Variants in PCDHA1 observed in about 807,000 individuals in gnomAD.
PCDHA1 encodes protocadherin alpha-1.
A neutral mutation model predicts 61.3 loss-of-function variants in PCDHA1; 42 were observed. That is an observed-to-expected ratio of 0.69 (90% CI 0.54 to 0.89). The LOEUF (loss-of-function observed/expected upper bound fraction) is 0.89. PCDHA1 is among the 40% of genes least tolerant of loss of function. The pLI, the probability that PCDHA1 is intolerant of heterozygous loss-of-function variation, is 0.00. For synonymous variants in PCDHA1, 610 were observed against 553.8 expected (o/e 1.10, Z -1.43); for missense variants, 1,256 against 1,235.3 (o/e 1.02, Z -0.25).
At chr5:140,823,308 G>C in intron 1 of PCDHA1, 1 of 1,612,318 alleles carries the variant, frequency 6.2e-7, no homozygotes, top group Non-Finnish European at 8.5e-7. Context: ...CGGTGCACGC[G>C]GAGAGCGGCA....
At position 140,982,527 on chromosome 5, in the gene PCDHA1, G is replaced by A. The variant is rs2096986081; in HGVS notation, c.2506G>A (p.Asp836Asn). ...TCTACGGGCTGGTCCAGGAGGGCCT[G>A]ATCAGCAGTGGCCAACAGTATCCAG... is the stretch of plus-strand genomic sequence containing the variant. ...GILRAGPGGP[D>N]QQWPTVSSAT... is the part of the protein sequence containing the mutation. Residue 836 changes from aspartate to asparagine, a missense_variant, in exon 3 of 4, where the codon GAT becomes AAT. By Grantham distance (23) the Asp-to-Asn change is conservative. Coordinates refer to ENST00000504120, the MANE Select transcript of PCDHA1 (RefSeq NM_018900.4). 1 of 1,614,218 alleles carries A rather than the reference G, an allele frequency of 6.2e-7. No individual in the cohort carries two copies. Among genetic ancestry groups the A allele is most frequent in the Admixed American group, 1.7e-5 (1 of 60,034 alleles).
intron 1 of PCDHA1, chr5:140,856,826 G>A (rs370105926): frequency 3.8e-6 from 6 of 1,592,454 alleles, no homozygotes; most frequent in Non-Finnish European, 4.3e-6. Flanking sequence ...CCAAACATTA[G>A]TAATACGGCT....
chr5:140,971,702 T>G (rs1411821487), intron 1 of PCDHA1, among the ~76,000 whole-genome samples: 6 of 152,138 alleles, frequency 3.9e-5, no homozygotes, highest in African/African-American at 1.4e-4. Flanking sequence ...CTAACCACCC[T>G]GCTATATAGA....
intron 3 of PCDHA1, among the ~76,000 whole-genome samples, chr5:140,986,569 T>C (rs1006962446): frequency 7.2e-5 from 11 of 152,296 alleles, no homozygotes; most frequent in East Asian, 3.9e-4. Context: ...TTATCTGTTA[T>C]TGGTTTTTCC....
intron 1 of PCDHA1, among the ~76,000 whole-genome samples, chr5:140,875,100 G>C (rs558585314): frequency 6.6e-6 from 1 of 152,124 alleles, no homozygotes; most frequent in Non-Finnish European, 1.5e-5. Context: ...TTGATGTTTT[G>C]TTACTAATAT....
chr5:140,786,676 A>G lies in PCDHA1; in HGVS notation c.386A>G (p.Asn129Ser). The G allele has an allele frequency of 6.2e-7, 1 of 1,614,218 alleles. No individual in the cohort carries two copies. Among genetic ancestry groups the G allele is most frequent in the Non-Finnish European group, 8.5e-7 (1 of 1,180,032 alleles). The change falls in exon 1 of 4, where the codon AAT becomes AGT. Residue 129 changes from asparagine (N) to serine (S), a missense_variant. By Grantham distance (46) the Asn-to-Ser change is conservative. Coordinates refer to ENST00000504120, the MANE Select transcript of PCDHA1 (RefSeq NM_018900.4). ...GTGAAGGTGAAAGACATTAACGATA[A>G]TCCACCCGTCTTCAGGGGCAGAGAA... ...VEVKVKDIND[N>S]PPVFRGREQI...
At chr5:140,853,462 C>T (rs1386923717) in intron 1 of PCDHA1, 1 of 971,854 alleles carries the variant, frequency 1.0e-6, no homozygotes, top group African/African-American at 1.8e-5. Context: ...TCCTTATATG[C>T]ATCTGTAGTT....
At chr5:140,828,738 A>C in intron 1 of PCDHA1, 1 of 1,614,242 alleles carries the variant, frequency 6.2e-7, no homozygotes, top group Non-Finnish European at 8.5e-7. Flanking sequence ...ACAGCCACAG[A>C]TGGGGGCAAA....
rs2150153849 is a variant in PCDHA1 at position 140,828,310 on chromosome 5, C to T, written c.2394+39626C>T. Reference sequence around the variant, plus strand: ...GGATGGCCTCCAAAGACCGCGAGGACCTTCTGGAGGTAAATCTGCAGAATG... The same window carrying T: ...GGATGGCCTCCAAAGACCGCGAGGATCTTCTGGAGGTAAATCTGCAGAATG... On this transcript the variant is annotated intron_variant, in intron 1 of 3. Coordinates refer to ENST00000504120, the MANE Select transcript of PCDHA1 (RefSeq NM_018900.4). 5.1e-5 allele frequency: 82 copies of T among 1,614,174 alleles called. 1 individual carries two copies. The South Asian group carries it at 8.1e-4, about 16-fold the overall frequency.
At chr5:140,937,067 T>C (rs2091302961) in intron 1 of PCDHA1, among the ~76,000 whole-genome samples, 1 of 148,650 alleles carries the variant, frequency 6.7e-6, no homozygotes, top group South Asian at 2.1e-4. Flanking sequence ...AGACGGAGTC[T>C]CGCTCTGTCG....
At chr5:140,915,466 T>C (rs2077134247) in intron 1 of PCDHA1, among the ~76,000 whole-genome samples, 1 of 152,176 alleles carries the variant, frequency 6.6e-6, no homozygotes, top group South Asian at 2.1e-4. Context: ...AGGTTTTTAT[T>C]TGAAGGAGCT....
At chr5:140,849,723 G>A (rs1554143223) in intron 1 of PCDHA1, 1 of 1,598,414 alleles carries the variant, frequency 6.3e-7, no homozygotes. Flanking sequence ...GTTGGTGCTG[G>A]ACAGAGCTCT....
At chr5:140,816,930 A>G (rs2126676429) in intron 1 of PCDHA1, 1 of 152,186 alleles carries the variant, frequency 6.6e-6, no homozygotes, top group East Asian at 1.9e-4. Context: ...GCTGAATCCT[A>G]TCAGTGCCTG....
intron 1 of PCDHA1, among the ~76,000 whole-genome samples, chr5:140,818,806 G>T (rs2150102424): frequency 3.3e-5 from 5 of 152,192 alleles, no homozygotes; most frequent in African/African-American, 1.2e-4. Flanking sequence ...CTCCAGCCTC[G>T]GTCAGAGTGA....
intron 1 of PCDHA1, chr5:140,823,221 C>A (rs1328701255): frequency 1.2e-6 from 2 of 1,613,612 alleles, no homozygotes; most frequent in Non-Finnish European, 1.7e-6. Flanking sequence ...GGGACGCGGA[C>A]GCGCAGGAGA....
chr5:140,928,510 A>T (rs782757628), intron 1 of PCDHA1: 1 of 1,614,166 alleles, frequency 6.2e-7, no homozygotes, highest in Non-Finnish European at 8.5e-7. Context: ...TGCAACAGTG[A>T]CTATAAACTT....
intron 1 of PCDHA1, chr5:140,824,227 TACACAAATATTGTG>T: frequency 6.5e-7 from 1 of 1,544,522 alleles, no homozygotes; most frequent in Non-Finnish European, 8.9e-7. Flanking sequence ...TATGTCTTAG[TACACAAATATTGTG>T]GTACACAATT....
Position 140,938,847 on chromosome 5 carries a change from T to C in PCDHA1, c.2395-40102T>C, listed in dbSNP as rs371783438. 4.6e-5 allele frequency among the ~76,000 whole-genome samples: 7 copies of C among 152,194 alleles called. No individual in the cohort carries two copies. The South Asian group carries it at 6.2e-4, about 14-fold the overall frequency. ...GTTTGCGTTATAACAAACCTGCCCA[T>C]GTACCCCTGAACTTAAAAGTTAAGA... On this transcript the variant is annotated intron_variant, in intron 1 of 3. Transcript: ENST00000504120.
rs189936741 is a variant in PCDHA1, at chr5:140,928,492, C to T, written c.2395-50457C>T. The T allele has an allele frequency of 1.5e-5, 24 of 1,614,150 alleles. No individual in the cohort carries two copies. In the East Asian group the frequency reaches 5.3e-4, roughly 36 times the overall value. ...AGAAGGCCGGGATGGTGGCATTCCT[C>T]CCAGAAGTGCAACAGTGACTATAAA... On this transcript the variant is annotated intron_variant, in intron 1 of 3. Transcript: ENST00000504120.
Sources: gnomAD v4.1 joint callset for allele counts (sites outside exome capture counted in the v4.1 genomes callset) on GRCh38, gnomAD v4.1.1 for gene constraint, MANE v1.5 for transcripts, NCBI Gene and HGNC (gene_info 2026-07-23, HGNC 2026-07-21) for gene names.